The following AKAP13 variants were observed in gnomAD, a reference collection of about 807,000 sequenced individuals.
AKAP13 encodes the protein A-kinase anchoring protein 13, also known as A-kinase anchor protein 13.
In AKAP13, 80 loss-of-function variants were observed where a neutral mutation model predicts 264.5. The ratio of observed to expected loss-of-function variants is 0.30; its 90% CI spans 0.25 to 0.36. The LOEUF is 0.36. Among genes scored for constraint, AKAP13 ranks in the 10% least tolerant of loss-of-function variants. The pLI, the probability that AKAP13 is intolerant of heterozygous loss-of-function variation, is 1.00. For missense variants in AKAP13, 3,712 were observed against 3,435.2 expected, an observed-to-expected ratio of 1.08 and a Z score of -2.01; for synonymous variants, 1,380 against 1,250.2, an observed-to-expected ratio of 1.10 and a Z score of -2.19.
intron 1 of AKAP13, among the ~76,000 whole-genome samples, chr15:85,438,669 A>C (rs1240824380): frequency 7.0e-4 from 105 of 150,416 alleles, no homozygotes; most frequent in Middle Eastern, 6.8e-3. Flanking sequence ...CGCCGCATAT[A>C]TACAACTATC....
At position 85,618,053 on chromosome 15, in the gene AKAP13, T is replaced by C. The variant is rs2081019779; in HGVS notation, c.4162-21321T>C. Among the ~76,000 whole-genome samples the C allele has an allele frequency of 2.0e-5, 3 of 152,226 alleles. No individual in the cohort carries two copies. The South Asian group carries it at 6.2e-4, about 32-fold the overall frequency. On this transcript the variant is annotated intron_variant, in intron 8 of 36. Coordinates refer to ENST00000394518, the MANE Select transcript of AKAP13 (RefSeq NM_007200.5). The stretch of plus-strand genomic sequence containing the variant: ...GAAGGGGAGGGGTTGTCCGCCTTCA[T>C]TCCTCGGATGAACCAGTGAGGAATA...
intron 2 of AKAP13, among the ~76,000 whole-genome samples, chr15:85,493,070 C>CTTTACCTTGGGTACTTTA: frequency 6.6e-6 from 1 of 152,126 alleles, no homozygotes; most frequent in Non-Finnish European, 1.5e-5. Context: ...GCAAGGTGTA[C>CTTTACCTTGGGTACTTTA]CCTTGAATAT....
rs754071781 is a variant in AKAP13, at chr15:85,580,085, A to C, written c.2017A>C (p.Thr673Pro). 31 of 1,614,104 alleles carry C rather than the reference A, an allele frequency of 1.9e-5. No homozygotes were observed. The highest frequency in any genetic ancestry group is 2.5e-5 in the Non-Finnish European group (29 of 1,180,044). ...CTCTGCATGTCAACAGAACACAGTG[A>C]CTTCTAGTGGCGATTTGGTTGCAAA... ...ADSACQQNTV[T>P]SSGDLVAKLC... is the part of the protein sequence containing the mutation. Residue 673 changes from threonine (T) to proline (P), a missense_variant, in exon 7 of 37, where the codon ACT (threonine) becomes CCT (proline). By Grantham distance (38) the Thr-to-Pro change is conservative. Around this residue, in one of 3 missense-constraint regions of AKAP13, gnomAD observed 2,759 missense variants for 2,411.7 expected, o/e 1.14. Transcript: ENST00000394518.
Position 85,736,073 on chromosome 15 carries a change from TG to T in AKAP13, c.7513-16del. 2 of 1,574,024 alleles carry T rather than the reference TG, an allele frequency of 1.3e-6. No homozygotes were observed. Among genetic ancestry groups the T allele is most frequent in the Non-Finnish European group, 1.7e-6 (2 of 1,144,470 alleles). ...CAAGATCTTCATTTTTTTATATGTA[TG>T]TTTTTTGTTTTATAGGGTGGAAATG... On this transcript the variant is annotated splice_polypyrimidine_tract_variant and intron_variant, in intron 32 of 36. Transcript: ENST00000394518.
chr15:85,435,246 C>A (rs925100902), intron 1 of AKAP13, among the ~76,000 whole-genome samples: 7 of 149,606 alleles, frequency 4.7e-5, no homozygotes, highest in Non-Finnish European at 8.9e-5. Flanking sequence ...TGAAATGAAG[C>A]GAGAAGGGAA....
At chr15:85,632,739 C>T (rs926342488) in intron 8 of AKAP13, among the ~76,000 whole-genome samples, 9 of 152,020 alleles carry the variant, frequency 5.9e-5, no homozygotes, top group Admixed American at 5.2e-4. Flanking sequence ...ACACATGTAC[C>T]TAAAATGACA....
At chr15:85,432,652 T>C (rs2073073218) in intron 1 of AKAP13, among the ~76,000 whole-genome samples, 2 of 152,212 alleles carry the variant, frequency 1.3e-5, no homozygotes, top group Non-Finnish European at 2.9e-5. Flanking sequence ...TCAATTTTCA[T>C]TCACTTCGCA....
chr15:85,585,571 A>G (rs1028308142), intron 7 of AKAP13, 131 bp from the exon 8 acceptor site: 4 of 1,309,454 alleles, frequency 3.1e-6, no homozygotes, highest in East Asian at 2.4e-5. Flanking sequence ...GCCGCTGACA[A>G]CAAAAGAATA....
At position 85,708,141 on chromosome 15, in the gene AKAP13, A is replaced by C; in HGVS notation, c.5532+55A>C. The C allele has an allele frequency of 1.9e-6, 3 of 1,547,978 alleles. No homozygotes were observed. The highest frequency in any genetic ancestry group is 2.7e-6 in the Non-Finnish European group (3 of 1,127,916). ...AAATAAAAGGGTTTAAACCAGCAAA[A>C]TCCTCGGGAGTTGGGAGAGTTGAGG... On this transcript the variant is annotated intron_variant, in intron 18 of 36. Coordinates refer to ENST00000394518, the MANE Select transcript of AKAP13 (RefSeq NM_007200.5). The surrounding 1 kb of genome is among the most constrained non-coding windows in gnomAD (Gnocchi z 4.3).
At chr15:85,570,084 A>AAAAC in intron 5 of AKAP13, among the ~76,000 whole-genome samples, 1 of 151,530 alleles carries the variant, frequency 6.6e-6, no homozygotes, top group East Asian at 2.0e-4. Flanking sequence ...TCAAAAAAAA[A>AAAAC]AAAAAAAAAA....
chr15:85,712,325 G>A (rs1216404434), intron 19 of AKAP13, among the ~76,000 whole-genome samples: 4 of 152,180 alleles, frequency 2.6e-5, no homozygotes, highest in East Asian at 3.8e-4. Context: ...ACACGTAGAT[G>A]ACTAGAAGAG....
At chr15:85,583,238 A>G in intron 7 of AKAP13, 3 of 923,924 alleles carry the variant, frequency 3.2e-6, no homozygotes, top group Non-Finnish European at 3.9e-6. Context: ...CCCTTTACAC[A>G]TATGTATTAA....
intron 16 of AKAP13, among the ~76,000 whole-genome samples, chr15:85,692,519 C>CAGTAGTGGT (rs764464697): frequency 4.1e-5 from 6 of 148,030 alleles, no homozygotes; most frequent in South Asian, 2.2e-4. Context: ...GTGGTGGTGG[C>CAGTAGTGGT]AGTAGTGGTA....
chr15:85,407,003 C>A (rs912421462), intron 1 of AKAP13, among the ~76,000 whole-genome samples: 2 of 151,324 alleles, frequency 1.3e-5, no homozygotes, highest in Non-Finnish European at 2.9e-5. Context: ...GTCCTACTTA[C>A]AAAACAGAAA....
chr15:85,663,892 A>G (rs1294074164), intron 12 of AKAP13, among the ~76,000 whole-genome samples: 2 of 151,962 alleles, frequency 1.3e-5, no homozygotes, highest in Non-Finnish European at 2.9e-5. Context: ...AAAAATTACA[A>G]CTCTTTCTAC....
At chr15:85,495,867 A>G (rs1030753402) in intron 2 of AKAP13, among the ~76,000 whole-genome samples, 1 of 152,186 alleles carries the variant, frequency 6.6e-6, no homozygotes, top group Non-Finnish European at 1.5e-5. Context: ...CTGATAATAG[A>G]AGAGCACCAT....
chr15:85,677,528 A>G (rs2084296141), intron 14 of AKAP13, among the ~76,000 whole-genome samples: 6 of 152,004 alleles, frequency 3.9e-5, no homozygotes, highest in Admixed American at 2.6e-4. Flanking sequence ...TTTAAAAGCT[A>G]TTGTTACACT....
At chr15:85,500,955 G>A (rs2076022461) in intron 2 of AKAP13, among the ~76,000 whole-genome samples, 2 of 152,176 alleles carry the variant, frequency 1.3e-5, no homozygotes, top group African/African-American at 4.8e-5. Flanking sequence ...AGAAGGAAAT[G>A]TGAGTTTTAT....
chr15:85,717,361 T>C lies in AKAP13; in HGVS notation c.5807T>C (p.Ile1936Thr). Reference protein sequence around the residue: ...LSHSTDSLNKISKVNESTESL... With the variant: ...LSHSTDSLNKTSKVNESTESL... ...CATTCAACAGACTCACTAAATAAAA[T>C]CAGCAAGGTCAATGAGTCAACAGAA... The change falls in exon 21 of 37, where the codon ATC becomes ACC. Residue 1936 changes from isoleucine (I) to threonine (T), a missense_variant. Physicochemically the swap from Ile to Thr is moderately conservative, Grantham distance 89. This residue lies in a region of AKAP13 where 2,759 missense variants were observed against 2,411.7 expected (regional missense o/e 1.14). Transcript: ENST00000394518. The C allele has an allele frequency of 1.9e-6, 3 of 1,613,246 alleles. No individual in the cohort carries two copies. Among genetic ancestry groups the C allele is most frequent in the Non-Finnish European group, 2.5e-6 (3 of 1,179,782 alleles).
Sources: allele counts gnomAD v4.1 joint callset (sites outside exome capture counted in the v4.1 genomes callset), GRCh38; gene constraint gnomAD v4.1.1; regional missense constraint gnomAD v4.1.1; non-coding constraint Gnocchi (gnomAD v3.1); transcripts MANE v1.5; gene names NCBI Gene and HGNC (gene_info 2026-07-23, HGNC 2026-07-21).